Variants in ZNF423 observed in about 807,000 individuals in gnomAD.
ZNF423 encodes Ebf-associated zinc finger protein.
A neutral mutation model predicts 95.8 loss-of-function variants in ZNF423; 12 were observed. The observed-to-expected ratio is 0.13, with a 90% confidence interval of 0.08 to 0.20. The LOEUF (loss-of-function observed/expected upper bound fraction) is 0.20, where lower values mean the gene tolerates loss of function less well. ZNF423 is among the 10% of genes least tolerant of loss of function. The pLI, the probability that ZNF423 is intolerant of heterozygous loss-of-function variation, is 1.00. For missense variants in ZNF423, 1,316 were observed against 1,737.1 expected (o/e 0.76, Z 4.31); for synonymous variants, 749 against 711.9 (o/e 1.05, Z -0.83).
intron 5 of ZNF423, among the ~76,000 whole-genome samples, chr16:49,605,918 C>T (rs35622390): frequency 0.22 from 32,884 of 151,990 alleles, 3,803 homozygotes; most frequent in South Asian, 0.35. Flanking sequence ...AAGGTGTTTC[C>T]CCAACCTCTA....
At chr16:49,506,060 G>A (rs1363777031) in intron 7 of ZNF423, among the ~76,000 whole-genome samples, 1 of 152,198 alleles carries the variant, frequency 6.6e-6, no homozygotes, top group Admixed American at 6.5e-5. Flanking sequence ...GCTTTCGTGT[G>A]TGTGTGTATG....
intron 7 of ZNF423, among the ~76,000 whole-genome samples, chr16:49,504,860 C>T (rs1421005682): frequency 6.6e-6 from 1 of 152,144 alleles, no homozygotes; most frequent in Non-Finnish European, 1.5e-5. Context: ...GAACAGAAGA[C>T]CTCAAGAGAC....
At chr16:49,626,477 C>G (rs1472749215) in intron 4 of ZNF423, among the ~76,000 whole-genome samples, 1 of 152,108 alleles carries the variant, frequency 6.6e-6, no homozygotes, top group Non-Finnish European at 1.5e-5. Flanking sequence ...TCTGCTAGAT[C>G]TGGGAAAACT....
intron 5 of ZNF423, among the ~76,000 whole-genome samples, chr16:49,565,144 C>T (rs776585754): frequency 7.2e-5 from 11 of 152,208 alleles, no homozygotes; most frequent in African/African-American, 2.4e-4. Flanking sequence ...CACGGCGCCG[C>T]AGCTGCTGTA....
chr16:49,848,112 G>C (rs960124690), intron 1 of ZNF423, among the ~76,000 whole-genome samples: 1 of 151,064 alleles, frequency 6.6e-6, no homozygotes, highest in East Asian at 1.9e-4. Context: ...TGTAAAAAAA[G>C]GAAAAAAAAA....
rs1231239920 is a variant in ZNF423 at position 49,797,740 on chromosome 16, G to A, written c.41-8194C>T. 2.0e-5 allele frequency among the ~76,000 whole-genome samples: 3 copies of A among 152,312 alleles called. No individual in the cohort carries two copies. The South Asian group carries it at 6.2e-4, about 32-fold the overall frequency. ...CCGTGATTCACCCTGACCACTTGCT[G>A]AAAAGAGAACAAGCTGTTTCAACAG... On this transcript the variant is annotated intron_variant, in intron 1 of 7. Coordinates refer to ENST00000563137, the MANE Select transcript of ZNF423 (RefSeq NM_001379286.1).
intron 3 of ZNF423, among the ~76,000 whole-genome samples, chr16:49,723,928 C>T (rs943841807): frequency 6.6e-6 from 1 of 152,248 alleles, no homozygotes; most frequent in Non-Finnish European, 1.5e-5. Flanking sequence ...CGCTCCAGAG[C>T]AATCTGAGCT....
intron 3 of ZNF423, among the ~76,000 whole-genome samples, chr16:49,695,572 C>T (rs1051214226): frequency 3.3e-5 from 5 of 152,194 alleles, no homozygotes; most frequent in South Asian, 2.1e-4. Context: ...GGATTACAGG[C>T]GTTAGCCACT....
At chr16:49,783,783 A>C (rs1434962946) in intron 2 of ZNF423, among the ~76,000 whole-genome samples, 1 of 152,014 alleles carries the variant, frequency 6.6e-6, no homozygotes, top group Non-Finnish European at 1.5e-5. Context: ...CATCCTGGCC[A>C]ACATGGTGAA....
intron 2 of ZNF423, among the ~76,000 whole-genome samples, chr16:49,751,427 C>A (rs2033631710): frequency 6.6e-6 from 1 of 152,120 alleles, no homozygotes; most frequent in Non-Finnish European, 1.5e-5. Flanking sequence ...AGCTGGTCTC[C>A]AACTCCTGGC....
chr16:49,740,823 C>T (rs2033399204), intron 2 of ZNF423, among the ~76,000 whole-genome samples: 1 of 152,172 alleles, frequency 6.6e-6, no homozygotes, highest in Non-Finnish European at 1.5e-5. Flanking sequence ...CTAGAAACTT[C>T]CAGAGAACGT....
intron 1 of ZNF423, among the ~76,000 whole-genome samples, chr16:49,808,401 A>G (rs562417681): frequency 2.0e-5 from 3 of 152,296 alleles, no homozygotes; most frequent in South Asian, 4.1e-4. Flanking sequence ...ATAAGAAGTA[A>G]CATGTTCCTA....
At chr16:49,502,758 C>T (rs1967458095) in intron 7 of ZNF423, among the ~76,000 whole-genome samples, 1 of 151,684 alleles carries the variant, frequency 6.6e-6, no homozygotes, top group Non-Finnish European at 1.5e-5. Context: ...GCACACACCA[C>T]TCTATATGCA....
chr16:49,590,050 A>ATATATATATATATG lies in ZNF423; in HGVS notation c.3601+36119_3601+36120insCATATATATATATA, dbSNP rs552421632. Among the ~76,000 whole-genome samples, 321 of 117,580 alleles carry ATATATATATATATG rather than the reference A, an allele frequency of 2.7e-3. 45 individuals are homozygous for ATATATATATATATG. In the East Asian group the frequency reaches 0.036, roughly 13 times the overall value. The allele number at this position is 117,580 out of a possible 152,430, so 77.1% of individuals were successfully genotyped here. On this transcript the variant is annotated intron_variant, in intron 5 of 7. Coordinates refer to ENST00000563137, the MANE Select transcript of ZNF423 (RefSeq NM_001379286.1). ...GGCGAATATATATATATATATATAT[A>ATATATATATATATG]TTTGGTCCATACAGACGTGACCAGA...
chr16:49,509,730 G>A (rs1766458895), intron 7 of ZNF423, among the ~76,000 whole-genome samples: 1 of 152,096 alleles, frequency 6.6e-6, no homozygotes, highest in South Asian at 2.1e-4. Context: ...CAGGATCACA[G>A]GCTGCTGTAT....
intron 1 of ZNF423, among the ~76,000 whole-genome samples, chr16:49,827,273 CCAGA>C (rs1436860673): frequency 2.6e-5 from 4 of 152,214 alleles, no homozygotes; most frequent in East Asian, 3.9e-4. Flanking sequence ...CTCAAACACA[CCAGA>C]CAGTCTTCAC....
At chr16:49,593,532 C>G (rs11646854) in intron 5 of ZNF423, among the ~76,000 whole-genome samples, 1 of 151,924 alleles carries the variant, frequency 6.6e-6, no homozygotes, top group Admixed American at 6.5e-5. Context: ...TGAAGTCTGG[C>G]GGACAGGGTT....
rs538077616 is a variant in ZNF423, at chr16:49,593,006, C to T, written c.3601+33164G>A. On this transcript the variant is annotated intron_variant, in intron 5 of 7. Coordinates refer to ENST00000563137, the MANE Select transcript of ZNF423 (RefSeq NM_001379286.1). ...CCAGGTGCAGTCATCAGCTCACCCT[C>T]CCCAAACCAAAATCCTTCAAATACC... Among the ~76,000 whole-genome samples the T allele has an allele frequency of 2.0e-5, 3 of 152,302 alleles. No individual in the cohort carries two copies. The South Asian group carries it at 6.2e-4, about 32-fold the overall frequency.
chr16:49,844,168 G>C (rs1346427406), intron 1 of ZNF423, among the ~76,000 whole-genome samples: 4 of 151,372 alleles, frequency 2.6e-5, no homozygotes, highest in Non-Finnish European at 4.4e-5. Context: ...TATAGTCCCA[G>C]CAACTCAGGA....
Sources: gnomAD v4.1 joint callset for allele counts (sites outside exome capture counted in the v4.1 genomes callset) on GRCh38, gnomAD v4.1.1 for gene constraint, MANE v1.5 for transcripts, NCBI Gene and HGNC (gene_info 2026-07-23, HGNC 2026-07-21) for gene names.